The following EFHD1 variants were observed in gnomAD, a reference collection of about 807,000 sequenced individuals.
EFHD1 encodes EF-hand domain family member D1.
In EFHD1, 10 loss-of-function variants were observed where a neutral mutation model predicts 17.2. That is an observed-to-expected ratio of 0.58 (90% CI 0.36 to 0.99). The LOEUF is 0.99. Among genes scored for constraint, EFHD1 ranks in the 50% least tolerant of loss-of-function variants. The pLI is 0.01. For synonymous variants in EFHD1, 153 were observed against 142.0 expected, an observed-to-expected ratio of 1.08 and a Z score of -0.55; for missense variants, 310 against 327.5, an observed-to-expected ratio of 0.95 and a Z score of 0.41.
chr2:232,644,319 C>T (rs75254292), intron 1 of EFHD1, among the ~76,000 whole-genome samples: 3,777 of 152,138 alleles, frequency 0.025, 163 homozygotes, highest in African/African-American at 0.086. Context: ...CCCCTGATTT[C>T]GTCTCCTCTT....
intron 2 of EFHD1, among the ~76,000 whole-genome samples, chr2:232,663,270 A>C (rs1185332096): frequency 6.6e-6 from 1 of 151,880 alleles, no homozygotes; most frequent in African/African-American, 2.4e-5. Flanking sequence ...TATATATTAA[A>C]GCTTTTCATT....
upstream of EFHD1, among the ~76,000 whole-genome samples, chr2:232,630,620 A>T (rs1036871907): frequency 2.0e-5 from 3 of 152,088 alleles, no homozygotes; most frequent in African/African-American, 7.2e-5. Flanking sequence ...TGAAAAAGTG[A>T]AATTTTGTTC....
chr2:232,614,728 C>G (rs1693890764), intron 1 of EFHD1, among the ~76,000 whole-genome samples: 2 of 152,132 alleles, frequency 1.3e-5, no homozygotes, highest in Admixed American at 1.3e-4. Context: ...GTAATCCTAG[C>G]AATTTGGGTG....
At chr2:232,666,524 C>T (rs10933404) in intron 2 of EFHD1, among the ~76,000 whole-genome samples, 47,800 of 152,084 alleles carry the variant, frequency 0.31, 7,917 homozygotes, top group East Asian at 0.51. Flanking sequence ...AGATGCATTC[C>T]GCCTTCTGCC....
chr2:232,608,757 C>G (rs1222508664), intron 1 of EFHD1, among the ~76,000 whole-genome samples: 1 of 151,890 alleles, frequency 6.6e-6, no homozygotes, highest in Non-Finnish European at 1.5e-5. Flanking sequence ...GGTGAAACCC[C>G]GTCTATACTA....
intron 1 of EFHD1, among the ~76,000 whole-genome samples, chr2:232,637,491 G>A (rs927545676): frequency 2.6e-5 from 4 of 151,706 alleles, no homozygotes; most frequent in African/African-American, 7.3e-5. Flanking sequence ...CTACAGGCGC[G>A]CACCACCATG....
intron 1 of EFHD1, among the ~76,000 whole-genome samples, chr2:232,637,003 G>GCGGAAGGAACT (rs1473100583): frequency 6.6e-6 from 1 of 152,068 alleles, no homozygotes; most frequent in African/African-American, 2.4e-5. Flanking sequence ...TCCGGGTTCT[G>GCGGAAGGAACT]CGGAAGGAAC....
chr2:232,678,782 TCAAA>T (rs570381352), intron 3 of EFHD1, among the ~76,000 whole-genome samples: 178 of 152,184 alleles, frequency 1.2e-3, no homozygotes, highest in Non-Finnish European at 1.9e-3. Context: ...AAACTCTGCT[TCAAA>T]CAAACAAACA....
chr2:232,614,093 A>G (rs930290697), intron 1 of EFHD1, among the ~76,000 whole-genome samples: 6 of 150,878 alleles, frequency 4.0e-5, no homozygotes, highest in Non-Finnish European at 4.4e-5. Context: ...ATATATACAC[A>G]CATACACATG....
In EFHD1 at chr2:232,624,143, G is replaced by A. The variant is rs114040453; in HGVS notation, c.14+17970G>A. On this transcript the variant is annotated intron_variant, in intron 1 of 3. Coordinates refer to the EFHD1 transcript ENST00000409613. ...TCATAGGTTTTTTGCTGCTCCTGTC[G>A]GGTGAGGAATAAGACTGATGTTTTC... Among the ~76,000 whole-genome samples the A allele has an allele frequency of 5.9e-3, 905 of 152,292 alleles. 10 individuals carry two copies. Among genetic ancestry groups the A allele is most frequent in the African/African-American group, 0.021 (865 of 41,550 alleles).
At chr2:232,645,131 T>C (rs1214204529) in intron 1 of EFHD1, among the ~76,000 whole-genome samples, 2 of 151,990 alleles carry the variant, frequency 1.3e-5, no homozygotes, top group East Asian at 1.9e-4. Flanking sequence ...CTCCCAGTCA[T>C]GTTGCTGAAT....
chr2:232,618,745 A>G (rs960942190), intron 1 of EFHD1, among the ~76,000 whole-genome samples: 1 of 142,742 alleles, frequency 7.0e-6, no homozygotes, highest in Admixed American at 7.1e-5. Flanking sequence ...AAATTTTGAA[A>G]AAAGGGAAAT....
intron 1 of EFHD1, among the ~76,000 whole-genome samples, chr2:232,634,835 G>A (rs1336898846): frequency 6.6e-6 from 1 of 152,256 alleles, no homozygotes; most frequent in Non-Finnish European, 1.5e-5. Flanking sequence ...CACCCGGTAA[G>A]CTCTTAACCG....
chr2:232,635,821 G>T (rs62191636), intron 1 of EFHD1, among the ~76,000 whole-genome samples: 4 of 146,998 alleles, frequency 2.7e-5, no homozygotes, highest in African/African-American at 1.1e-4. Flanking sequence ...TCTGTCTCAA[G>T]GGGAAAAAAA....
intron 3 of EFHD1, among the ~76,000 whole-genome samples, chr2:232,681,187 A>G (rs1420386688): frequency 6.6e-6 from 1 of 152,258 alleles, no homozygotes; most frequent in African/African-American, 2.4e-5. Flanking sequence ...AAAAAATAAA[A>G]AAAATAAATC....
chr2:232,651,988 G>T (rs1226126406), intron 1 of EFHD1, among the ~76,000 whole-genome samples: 1 of 152,200 alleles, frequency 6.6e-6, no homozygotes, highest in African/African-American at 2.4e-5. Context: ...GGGTTAGGGG[G>T]TCAGGCTGGG....
chr2:232,632,694 T>C (rs373631157), upstream of EFHD1, among the ~76,000 whole-genome samples: 30 of 152,334 alleles, frequency 2.0e-4, no homozygotes, highest in East Asian at 5.2e-3. Context: ...GGCCTGACCA[T>C]GGCTCGTTGC....
At chr2:232,663,273 T>G (rs938896486) in intron 2 of EFHD1, among the ~76,000 whole-genome samples, 3 of 152,182 alleles carry the variant, frequency 2.0e-5, no homozygotes, top group Non-Finnish European at 4.4e-5. Flanking sequence ...ATATTAAAGC[T>G]TTTCATTTTT....
chr2:232,660,623 G>A (rs1159902789), intron 1 of EFHD1, among the ~76,000 whole-genome samples: 1 of 152,060 alleles, frequency 6.6e-6, no homozygotes, highest in East Asian at 1.9e-4. Flanking sequence ...GTGGGCATAT[G>A]ATACTATACC....
Sources: allele counts gnomAD v4.1 joint callset (sites outside exome capture counted in the v4.1 genomes callset), GRCh38; gene constraint gnomAD v4.1.1; transcripts MANE v1.5; gene names NCBI Gene and HGNC (gene_info 2026-07-23, HGNC 2026-07-21).